The following MEIS1 variants were observed in gnomAD, a reference collection of about 807,000 sequenced individuals.
MEIS1 encodes homeobox protein Meis1.
MEIS1 carries 5 observed loss-of-function variants against 50.8 expected under a neutral mutation model. The observed-to-expected ratio is 0.10, with a 90% CI of 0.05 to 0.21. The LOEUF is 0.21. MEIS1 is among the 10% of genes least tolerant of loss of function. The pLI is 1.00. For synonymous variants in MEIS1, 176 were observed against 179.3 expected (o/e 0.98, Z 0.15); for missense variants, 318 against 517.3 (o/e 0.61, Z 3.74).
At position 66,435,607 on chromosome 2, in the gene MEIS1, T is replaced by C. The variant is rs1222807267; in HGVS notation, c.-250T>C. 2.4e-6 allele frequency: 1 copy of C among 408,508 alleles called. No homozygotes were observed. The highest frequency in any genetic ancestry group is 2.1e-5 in the African/African-American group (1 of 48,450). 25.3% of individuals were successfully genotyped at this position (408,508 alleles called of 1,614,324 possible). On this transcript the variant is annotated 5_prime_UTR_variant, in exon 1 of 13. Coordinates refer to ENST00000272369, the MANE Select transcript of MEIS1 (RefSeq NM_002398.3). ...TTGGGGGAGAGAAGATCTGCTTTTT[T>C]TTGCCCCCGCTGCTGTCTTGGAAAC...
intron 8 of MEIS1, among the ~76,000 whole-genome samples, chr2:66,531,606 C>T (rs1235532217): frequency 2.6e-5 from 4 of 152,158 alleles, no homozygotes; most frequent in African/African-American, 7.2e-5. Context: ...GGGAGTGCCA[C>T]GTACACGGTT....
At chr2:66,488,015 G>C (rs1181402505) in intron 7 of MEIS1, among the ~76,000 whole-genome samples, 1 of 152,116 alleles carries the variant, frequency 6.6e-6, no homozygotes, top group Non-Finnish European at 1.5e-5. Context: ...TGAATATCTG[G>C]GTGCAAAGTG....
At position 66,564,774 on chromosome 2, in the gene MEIS1, C is replaced by T. The variant is rs192284327; in HGVS notation, c.966-2679C>T. The stretch of plus-strand genomic sequence containing the variant: ...TTCTAGGGTACATGTGCACAACGTG[C>T]AGGTTTGTTACATATGTATACATGT... On this transcript the variant is annotated intron_variant, in intron 9 of 12. Coordinates refer to ENST00000272369, the MANE Select transcript of MEIS1 (RefSeq NM_002398.3). Among the ~76,000 whole-genome samples, 76 of 151,066 alleles carry T rather than the reference C, an allele frequency of 5.0e-4. 1 individual carries two copies. The East Asian group carries it at 0.01, about 20-fold the overall frequency.
At chr2:66,568,885 T>C in intron 11 of MEIS1, 129 bp downstream of exon 11, 1 of 1,089,722 alleles carries the variant, frequency 9.2e-7, no homozygotes, top group Non-Finnish European at 1.4e-6. Context: ...GTCTGCTATC[T>C]GTGCATCTAA....
chr2:66,460,662 T>C (rs1672495689), intron 6 of MEIS1, among the ~76,000 whole-genome samples: 1 of 152,206 alleles, frequency 6.6e-6, no homozygotes, highest in South Asian at 2.1e-4. Context: ...ACACTGGCTG[T>C]CAATAACAAG....
chr2:66,520,323 A>T (rs1369292981), intron 8 of MEIS1, among the ~76,000 whole-genome samples: 1 of 151,726 alleles, frequency 6.6e-6, no homozygotes, highest in Non-Finnish European at 1.5e-5. Context: ...AAATAAAAAA[A>T]AAAAAAAATT....
chr2:66,453,924 T>C (rs1672331628), intron 6 of MEIS1, among the ~76,000 whole-genome samples: 1 of 152,024 alleles, frequency 6.6e-6, no homozygotes, highest in South Asian at 2.1e-4. Context: ...ACTAAACAGT[T>C]AAGTGTATTG....
chr2:66,457,498 C>A (rs554408394), intron 6 of MEIS1, among the ~76,000 whole-genome samples: 4 of 152,174 alleles, frequency 2.6e-5, no homozygotes, highest in Non-Finnish European at 5.9e-5. Flanking sequence ...CACAGCAGCT[C>A]CTGTGCCCCT....
intron 7 of MEIS1, among the ~76,000 whole-genome samples, chr2:66,485,421 G>A (rs1294863417): frequency 3.3e-5 from 5 of 152,104 alleles, no homozygotes; most frequent in East Asian, 1.9e-4. Context: ...ATGTCCCTGC[G>A]AAGGACATGA....
intron 8 of MEIS1, among the ~76,000 whole-genome samples, chr2:66,524,030 G>A (rs143285139): frequency 1.3e-5 from 2 of 152,356 alleles, no homozygotes; most frequent in Non-Finnish European, 2.9e-5. Flanking sequence ...GTACTTGCAT[G>A]TCAGAGACCA....
At chr2:66,437,605 T>G (rs1573113148) in intron 1 of MEIS1, 132 bp from the exon 2 acceptor site, 3 of 739,406 alleles carry the variant, frequency 4.1e-6, no homozygotes, top group East Asian at 5.4e-5. Context: ...CTCAGCTTTA[T>G]AGATGCAAGG....
chr2:66,548,240 T>G (rs1674836968), intron 9 of MEIS1, among the ~76,000 whole-genome samples: 1 of 152,230 alleles, frequency 6.6e-6, no homozygotes, highest in African/African-American at 2.4e-5. Context: ...AGTTGACAAT[T>G]TTATGCATAG....
intron 7 of MEIS1, among the ~76,000 whole-genome samples, chr2:66,471,933 A>G (rs1213751050): frequency 6.6e-6 from 1 of 152,210 alleles, no homozygotes; most frequent in East Asian, 1.9e-4. Context: ...AATACCATGC[A>G]TTGTATTGTT....
intron 7 of MEIS1, among the ~76,000 whole-genome samples, chr2:66,490,110 A>C (rs549788722): frequency 6.6e-6 from 1 of 152,362 alleles, no homozygotes; most frequent in Non-Finnish European, 1.5e-5. Flanking sequence ...AAAATGAAAA[A>C]GTCAAAATCC....
chr2:66,456,656 C>T (rs1261805014), intron 6 of MEIS1, among the ~76,000 whole-genome samples: 2 of 152,184 alleles, frequency 1.3e-5, no homozygotes, highest in Non-Finnish European at 2.9e-5. Context: ...AACAAGAACC[C>T]TGGCAGGGCT....
intron 7 of MEIS1, among the ~76,000 whole-genome samples, chr2:66,503,885 CA>C (rs898341192): frequency 1.3e-5 from 2 of 151,726 alleles, no homozygotes; most frequent in African/African-American, 4.8e-5. Flanking sequence ...GCTGGGACTA[CA>C]CTCACCTGCC....
chr2:66,495,430 T>C (rs1167595856), intron 7 of MEIS1, among the ~76,000 whole-genome samples: 1 of 152,144 alleles, frequency 6.6e-6, no homozygotes, highest in Non-Finnish European at 1.5e-5. Context: ...CTATCTCCAT[T>C]ACAGGAGGGG....
At chr2:66,559,646 G>A (rs1675162581) in intron 9 of MEIS1, among the ~76,000 whole-genome samples, 2 of 152,014 alleles carry the variant, frequency 1.3e-5, no homozygotes, top group Non-Finnish European at 2.9e-5. Context: ...AGGAAGTTTT[G>A]CTATATTATC....
chr2:66,457,687 AC>A (rs200156212), intron 6 of MEIS1, among the ~76,000 whole-genome samples: 3 of 151,940 alleles, frequency 2.0e-5, no homozygotes, highest in South Asian at 2.1e-4. Flanking sequence ...AATTAGATGC[AC>A]CCCCCCAGAC....
Sources: allele counts gnomAD v4.1 joint callset (sites outside exome capture counted in the v4.1 genomes callset), GRCh38; gene constraint gnomAD v4.1.1; transcripts MANE v1.5; gene names NCBI Gene and HGNC (gene_info 2026-07-23, HGNC 2026-07-21).